Variants in SF3B3 observed in about 807,000 individuals in gnomAD.
The protein encoded by SF3B3 is SAP 130.
In SF3B3, 33 loss-of-function variants were observed where a neutral mutation model predicts 139.2. The observed-to-expected ratio is 0.24, with a 90% confidence interval of 0.18 to 0.32. SF3B3 has a LOEUF of 0.32. SF3B3 is among the 10% of genes least tolerant of loss of function. The pLI, the probability that SF3B3 is intolerant of heterozygous loss-of-function variation, is 1.00. For synonymous variants in SF3B3, 596 were observed against 563.6 expected, an observed-to-expected ratio of 1.06 and a Z score of -0.81; for missense variants, 818 against 1,509.4, an observed-to-expected ratio of 0.54 and a Z score of 7.59.
chr16:70,528,739 T>C (rs1055009761), intron 2 of SF3B3, 134 bp from the exon 3 acceptor site: 11 of 632,122 alleles, frequency 1.7e-5, no homozygotes, highest in Non-Finnish European at 2.7e-5. Flanking sequence ...TGCCTTAGCC[T>C]CCCGAGTAGC....
At chr16:70,531,011 T>A in intron 4 of SF3B3, 94 bp downstream of exon 4, 2 of 1,109,662 alleles carry the variant, frequency 1.8e-6, no homozygotes, top group Non-Finnish European at 2.6e-6. Context: ...CTCACGCCTG[T>A]AATCCCAGCA....
intron 18 of SF3B3, 83 bp from the exon 19 acceptor site, chr16:70,564,982 G>C: frequency 2.4e-6 from 3 of 1,270,376 alleles, no homozygotes; most frequent in Non-Finnish European, 3.4e-6. Context: ...GAACCCCCTG[G>C]AGTGTTCTTG....
chr16:70,555,403 C>T (rs915858472), intron 13 of SF3B3, among the ~76,000 whole-genome samples, 197 bp downstream of exon 13: 15 of 148,206 alleles, frequency 1.0e-4, no homozygotes, highest in African/African-American at 3.0e-4. Context: ...TGCTTGAACC[C>T]GGGAGGCAGA....
At chr16:70,525,332 GTA>G (rs1257295252) in intron 1 of SF3B3, among the ~76,000 whole-genome samples, 2 of 152,134 alleles carry the variant, frequency 1.3e-5, no homozygotes, top group African/African-American at 4.8e-5. Context: ...GCCTGGCCTC[GTA>G]TATAGTTTTT....
rs141739010 is a variant in SF3B3 at position 70,535,641 on chromosome 16, C to A, written c.825+221C>A. ...AAGGGAATTAAAACTAATCTAATTT[C>A]TATTTCAGAGGAACCTGTGGACAAT... On this transcript the variant is annotated intron_variant, in intron 6 of 25. Transcript: ENST00000302516. 4.6e-3 allele frequency among the ~76,000 whole-genome samples: 695 copies of A among 152,150 alleles called. 3 individuals carry two copies. The highest frequency in any genetic ancestry group is 0.016 in the African/African-American group (679 of 41,552).
intron 9 of SF3B3, among the ~76,000 whole-genome samples, chr16:70,543,735 T>C (rs1203228379): frequency 6.6e-6 from 1 of 151,968 alleles, no homozygotes; most frequent in Non-Finnish European, 1.5e-5. Context: ...ATAAAATGAA[T>C]GGGAAGTTAA....
intron 5 of SF3B3, among the ~76,000 whole-genome samples, chr16:70,533,359 A>T (rs2050138958): frequency 6.6e-6 from 1 of 152,188 alleles, no homozygotes; most frequent in Non-Finnish European, 1.5e-5. Flanking sequence ...AAAGTAAAAC[A>T]GATTTCTCTA....
In SF3B3 at chr16:70,565,246, T is replaced by G; in HGVS notation, c.2645T>G (p.Leu882Arg). Residue 882 changes from leucine (L) to arginine (R), a missense_variant, in exon 19 of 26, where the codon CTG becomes CGG. Physicochemically the swap from Leu to Arg is moderately radical, Grantham distance 102. Coordinates refer to ENST00000302516, the MANE Select transcript of SF3B3 (RefSeq NM_012426.5). ...IQGNTLDLVQLEQNEAAFSVA... is the reference protein window; with the variant it reads ...IQGNTLDLVQREQNEAAFSVA... ...GGGAACACACTGGACCTTGTCCAGC[T>G]GGAACAGAATGAGGCAGCTTTTAGG... 1 of 1,614,202 alleles carries G rather than the reference T, an allele frequency of 6.2e-7. No homozygotes were observed. The highest frequency in any genetic ancestry group is 8.5e-7 in the Non-Finnish European group (1 of 1,180,038).
chr16:70,553,837 A>G (rs1447866127), intron 11 of SF3B3, among the ~76,000 whole-genome samples: 5 of 152,306 alleles, frequency 3.3e-5, no homozygotes, highest in Admixed American at 1.3e-4. Context: ...TAAATAGTGA[A>G]AAACCAGAGA....
intron 17 of SF3B3, among the ~76,000 whole-genome samples, chr16:70,563,491 A>G (rs2050448255): frequency 1.3e-5 from 2 of 152,234 alleles, no homozygotes; most frequent in Admixed American, 1.3e-4. Flanking sequence ...TCACAAAGGT[A>G]TCCACTTTAT....
intron 20 of SF3B3, 158 bp downstream of exon 20, chr16:70,565,682 T>G (rs533516248): frequency 1.2e-5 from 8 of 658,472 alleles, no homozygotes; most frequent in Non-Finnish European, 2.1e-5. Flanking sequence ...GCTGCAGTGA[T>G]GTTCTTGTGC....
At chr16:70,524,717 G>A (rs1276823166) in intron 1 of SF3B3, 1 of 152,290 alleles carries the variant, frequency 6.6e-6, no homozygotes, top group African/African-American at 2.4e-5. Flanking sequence ...GTCTCGCTTT[G>A]TCGCCCAGGC....
intron 14 of SF3B3, chr16:70,556,537 A>G: frequency 1.6e-6 from 1 of 631,210 alleles, no homozygotes. Context: ...ATCTGAGACT[A>G]CAGAAATGTT....
intron 11 of SF3B3, among the ~76,000 whole-genome samples, chr16:70,551,717 A>C (rs966962174): frequency 1.3e-5 from 2 of 151,976 alleles, no homozygotes; most frequent in Non-Finnish European, 2.9e-5. Context: ...AAAACTAATA[A>C]ATTTTTTATA....
At position 70,538,391 on chromosome 16, in the gene SF3B3, G is replaced by A; in HGVS notation, c.894G>A (p.Met298Ile). The A allele has an allele frequency of 6.2e-7, 1 of 1,613,934 alleles. No homozygotes were observed. The highest frequency in any genetic ancestry group is 8.5e-7 in the Non-Finnish European group (1 of 1,179,824). ...CTGCAACCCATAAAACCAAATCGAT[G>A]TTCTTCTTTTTGGCTCAAACTGAGC... Reference protein sequence around the residue: ...VCSATHKTKSMFFFLAQTEQG... With the variant: ...VCSATHKTKSIFFFLAQTEQG... The change falls in exon 7 of 26, where the codon ATG becomes ATA. Residue 298 changes from methionine (M) to isoleucine (I), a missense_variant. Physicochemically the swap from Met to Ile is conservative, Grantham distance 10 (BLOSUM62 1). This residue lies in a region of SF3B3 where 80 missense variants were observed against 206.5 expected (regional missense o/e 0.39). Coordinates refer to ENST00000302516, the MANE Select transcript of SF3B3 (RefSeq NM_012426.5).
intron 3 of SF3B3, chr16:70,529,711 G>A (rs1403903946): frequency 6.5e-6 from 1 of 153,368 alleles, no homozygotes; most frequent in South Asian, 2.0e-4. Flanking sequence ...ACTAGTTAGT[G>A]GGATATTTAA....
chr16:70,571,286 G>A, intron 25 of SF3B3, 87 bp downstream of exon 25: 1 of 1,017,160 alleles, frequency 9.8e-7, no homozygotes, highest in Non-Finnish European at 1.5e-6. Flanking sequence ...ACCAGGGAGG[G>A]TGCTCCCCTC....
At position 70,542,405 on chromosome 16, in the gene SF3B3, A is replaced by G. The variant is rs944837305; in HGVS notation, c.1233+571A>G. ...ACAGGTAGTTTTGAATCACATTCTC[A>G]AGGAGGAACCTGAAGTGGCTCAGAA... On this transcript the variant is annotated intron_variant, in intron 9 of 25. Transcript: ENST00000302516. 6.6e-5 allele frequency among the ~76,000 whole-genome samples: 10 copies of G among 152,318 alleles called. No homozygotes were observed. In the South Asian group the frequency reaches 2.1e-3, roughly 32 times the overall value.
intron 6 of SF3B3, 24 bp downstream of exon 6, chr16:70,535,444 G>A (rs768485637): frequency 7.4e-7 from 1 of 1,347,968 alleles, no homozygotes; most frequent in Non-Finnish European, 1.1e-6. Flanking sequence ...TATAAGAAGA[G>A]AGAGATTTGT....
Sources: allele counts gnomAD v4.1 joint callset (sites outside exome capture counted in the v4.1 genomes callset), GRCh38; gene constraint gnomAD v4.1.1; regional missense constraint gnomAD v4.1.1; transcripts MANE v1.5; gene names NCBI Gene and HGNC (gene_info 2026-07-23, HGNC 2026-07-21).